The following NTM variants were observed in gnomAD, a reference collection of about 807,000 sequenced individuals.
The protein encoded by NTM is IgLON family member 2.
NTM carries 13 observed loss-of-function variants against 42.1 expected under a neutral mutation model. The ratio of observed to expected loss-of-function variants is 0.31; its 90% confidence interval spans 0.20 to 0.49. NTM has a LOEUF of 0.49. NTM is among the 20% of genes least tolerant of loss of function. The probability of loss-of-function intolerance (pLI) is 0.99; values close to 1 mark genes in which losing one functional copy is unlikely to be tolerated. For synonymous variants in NTM, 187 were observed against 179.2 expected (o/e 1.04, Z -0.35); for missense variants, 373 against 452.8 (o/e 0.82, Z 1.60).
intron 3 of NTM, among the ~76,000 whole-genome samples, chr11:132,203,203 G>A (rs892280696): frequency 6.6e-6 from 1 of 152,140 alleles, no homozygotes; most frequent in African/African-American, 2.4e-5. Context: ...GGCGTGTGGT[G>A]CATCCCAATG....
intron 1 of NTM, among the ~76,000 whole-genome samples, chr11:131,724,517 C>T (rs1354823759): frequency 2.6e-5 from 4 of 152,060 alleles, no homozygotes; most frequent in African/African-American, 4.8e-5. Context: ...CAAATAAGAA[C>T]GGAAGTGAGG....
chr11:131,761,004 C>T (rs1219462129), intron 1 of NTM, among the ~76,000 whole-genome samples: 2 of 151,830 alleles, frequency 1.3e-5, no homozygotes, highest in African/African-American at 2.4e-5. Context: ...GAGAAAATAG[C>T]TGCAACCCAG....
intron 1 of NTM, among the ~76,000 whole-genome samples, chr11:131,378,891 CAG>C (rs1335297682): frequency 1.3e-5 from 2 of 152,218 alleles, no homozygotes; most frequent in Admixed American, 6.5e-5. Flanking sequence ...GACTCATGCT[CAG>C]AACCTCAATG....
chr11:131,851,254 C>T (rs2045499690), intron 1 of NTM, among the ~76,000 whole-genome samples: 2 of 152,044 alleles, frequency 1.3e-5, no homozygotes, highest in African/African-American at 2.4e-5. Flanking sequence ...CAGTAGCATC[C>T]TTAGAATCAT....
chr11:131,475,597 A>C (rs143074834), intron 1 of NTM, among the ~76,000 whole-genome samples: 1 of 152,296 alleles, frequency 6.6e-6, no homozygotes, highest in Non-Finnish European at 1.5e-5. Context: ...TGATCTAGTA[A>C]GTTAGGATTC....
At chr11:131,823,946 C>T (rs772511275) in intron 1 of NTM, among the ~76,000 whole-genome samples, 1 of 152,174 alleles carries the variant, frequency 6.6e-6, no homozygotes, top group Non-Finnish European at 1.5e-5. Context: ...GTTCTTTATG[C>T]AATTCAAGGC....
At position 132,044,601 on chromosome 11, in the gene NTM, G is replaced by T. The variant is rs559718927; in HGVS notation, c.168-101681G>T. Among the ~76,000 whole-genome samples, 366 of 152,162 alleles carry T rather than the reference G, an allele frequency of 2.4e-3. 1 individual carries two copies. Among genetic ancestry groups the T allele is most frequent in the African/African-American group, 8.4e-3 (348 of 41,496 alleles). On this transcript the variant is annotated intron_variant, in intron 2 of 8. Transcript: ENST00000683400. ...CGACAACTGAGGGAAGCAACAAGCT[G>T]CCCCATTGCTATCATGGGTGTGATA...
intron 1 of NTM, among the ~76,000 whole-genome samples, chr11:131,561,966 A>G (rs1298935526): frequency 6.6e-6 from 1 of 152,244 alleles, no homozygotes; most frequent in South Asian, 2.1e-4. Flanking sequence ...GACTGAATAA[A>G]GAAATTTGGA....
chr11:132,037,217 C>T (rs919255813), intron 2 of NTM, among the ~76,000 whole-genome samples: 2 of 151,858 alleles, frequency 1.3e-5, no homozygotes, highest in African/African-American at 2.4e-5. Flanking sequence ...GCTATGAGAT[C>T]TGCTTGTGGA....
chr11:131,545,456 T>A (rs761150357), intron 1 of NTM, among the ~76,000 whole-genome samples: 1 of 152,158 alleles, frequency 6.6e-6, no homozygotes, highest in Non-Finnish European at 1.5e-5. Context: ...GTTTGGTTCA[T>A]TAAATGCATA....
intron 1 of NTM, among the ~76,000 whole-genome samples, chr11:131,790,027 A>G (rs2136134247): frequency 6.6e-6 from 1 of 152,086 alleles, no homozygotes; most frequent in Admixed American, 6.5e-5. Flanking sequence ...AGTTAAATGA[A>G]AACAGAAAGT....
At position 131,930,821 on chromosome 11, in the gene NTM, G is replaced by C. The variant is rs1315755878; in HGVS notation, c.167+19173G>C. 3.9e-5 allele frequency among the ~76,000 whole-genome samples: 6 copies of C among 152,090 alleles called. No homozygotes were observed. In the East Asian group the frequency reaches 1.2e-3, roughly 29 times the overall value. On this transcript the variant is annotated intron_variant, in intron 2 of 8. Transcript: ENST00000683400. ...ATTCTCCTTCAAATGTTTTTCATTTGATGTTATGCATTTTCTAATAATTTA... is the reference window on the plus strand; with the variant it reads ...ATTCTCCTTCAAATGTTTTTCATTTCATGTTATGCATTTTCTAATAATTTA...
intron 3 of NTM, among the ~76,000 whole-genome samples, chr11:132,186,854 C>T (rs530662135): frequency 2.0e-5 from 3 of 152,320 alleles, no homozygotes; most frequent in Admixed American, 2.0e-4. Flanking sequence ...ATCCCATTAC[C>T]GCTTCCGAGC....
At chr11:132,078,780 C>A (rs1044206970) in intron 2 of NTM, among the ~76,000 whole-genome samples, 1 of 152,182 alleles carries the variant, frequency 6.6e-6, no homozygotes, top group Non-Finnish European at 1.5e-5. Flanking sequence ...ACACTTAACT[C>A]ATCAAAATGT....
Position 131,949,848 on chromosome 11 carries a change from A to G in NTM, c.167+38200A>G, listed in dbSNP as rs190642406. Among the ~76,000 whole-genome samples the G allele has an allele frequency of 1.1e-4, 16 of 152,128 alleles. No homozygotes were observed. In the East Asian group the frequency reaches 2.5e-3, roughly 24 times the overall value. On this transcript the variant is annotated intron_variant, in intron 2 of 8. Transcript: ENST00000683400. ...TGGATGGACATTTCCTCTTCCTTCT[A>G]ATGCCCCAAACTCCTATCCATTCAT...
chr11:131,801,366 G>A (rs891668889), intron 1 of NTM, among the ~76,000 whole-genome samples: 3 of 152,240 alleles, frequency 2.0e-5, no homozygotes, highest in South Asian at 2.1e-4. Flanking sequence ...ATCCCTGAGC[G>A]AGGGAGAAGG....
chr11:131,483,888 T>C (rs1953885006), intron 1 of NTM, among the ~76,000 whole-genome samples: 1 of 152,244 alleles, frequency 6.6e-6, no homozygotes, highest in Non-Finnish European at 1.5e-5. Flanking sequence ...CTGCCGGCCT[T>C]GGCATTTCCT....
At chr11:132,320,238 T>C (rs1369505751) in intron 7 of NTM, among the ~76,000 whole-genome samples, 2 of 152,084 alleles carry the variant, frequency 1.3e-5, no homozygotes, top group Non-Finnish European at 2.9e-5. Context: ...AGAAGATGGG[T>C]GATTTCTGCA....
chr11:132,269,313 G>A (rs1007224562), intron 4 of NTM, among the ~76,000 whole-genome samples: 1 of 152,128 alleles, frequency 6.6e-6, no homozygotes, highest in Non-Finnish European at 1.5e-5. Flanking sequence ...GTTACCAAAG[G>A]TAATTAAGTC....
Sources: gnomAD v4.1 joint callset for allele counts (sites outside exome capture counted in the v4.1 genomes callset) on GRCh38, gnomAD v4.1.1 for gene constraint, MANE v1.5 for transcripts, NCBI Gene and HGNC (gene_info 2026-07-23, HGNC 2026-07-21) for gene names.